The following TMPRSS11E variants were observed in gnomAD, a reference collection of about 807,000 sequenced individuals.
TMPRSS11E encodes transmembrane serine protease 11E, also known as transmembrane protease serine 11E.
A neutral mutation model predicts 48.1 loss-of-function variants in TMPRSS11E; 38 were observed. The ratio of observed to expected loss-of-function variants is 0.79; its 90% CI spans 0.61 to 1.04. TMPRSS11E has a LOEUF of 1.04. TMPRSS11E is among the 50% of genes least tolerant of loss of function. The pLI, the probability that TMPRSS11E is intolerant of heterozygous loss-of-function variation, is 0.00. For missense variants in TMPRSS11E, 530 were observed against 510.8 expected (o/e 1.04, Z -0.36); for synonymous variants, 158 against 171.9 (o/e 0.92, Z 0.63).
chr4:68,472,402 A>G (rs544284904), intron 5 of TMPRSS11E, among the ~76,000 whole-genome samples: 4 of 142,592 alleles, frequency 2.8e-5, no homozygotes, highest in Non-Finnish European at 6.3e-5. Context: ...TTATCATTTA[A>G]ACAAATAGTC....
At chr4:68,451,978 G>A (rs1728510589) in intron 1 of TMPRSS11E, among the ~76,000 whole-genome samples, 1 of 151,884 alleles carries the variant, frequency 6.6e-6, no homozygotes, top group Non-Finnish European at 1.5e-5. Flanking sequence ...GTCTTAAAAG[G>A]TGAAAAATTT....
chr4:68,476,366 A>C lies in TMPRSS11E; in HGVS notation c.635A>C (p.Asp212Ala). 2.5e-6 allele frequency: 4 copies of C among 1,614,106 alleles called. No homozygotes were observed. The highest frequency in any genetic ancestry group is 3.4e-6 in the Non-Finnish European group (4 of 1,179,968). ...EWPWQASLQW[D>A]GSHRCGATLI... ...CCCTGGCAGGCTAGCCTGCAGTGGG[A>C]TGGGAGTCATCGCTGTGGAGCAACC... The change falls in exon 7 of 10, where the codon GAT becomes GCT. Residue 212 changes from aspartate to alanine, a missense_variant. Transcript: ENST00000305363.
At chr4:68,451,147 G>A (rs1200314793) in intron 1 of TMPRSS11E, among the ~76,000 whole-genome samples, 1 of 151,856 alleles carries the variant, frequency 6.6e-6, no homozygotes, top group African/African-American at 2.4e-5. Context: ...CAGGTCTTCT[G>A]GAAGGGTAGG....
chr4:68,474,696 C>T, intron 5 of TMPRSS11E, 27 bp from the exon 6 acceptor site: 1 of 1,603,106 alleles, frequency 6.2e-7, no homozygotes, highest in Non-Finnish European at 8.5e-7. Flanking sequence ...ATGTGCTGAC[C>T]CTATTTGCCA....
chr4:68,478,862 T>C lies in TMPRSS11E; in HGVS notation c.981T>C (p.Asn327=), dbSNP rs1452603433. The change falls in exon 9 of 10, where the codon AAT becomes AAC. Residue 327 remains asparagine (N), a synonymous_variant. Coordinates refer to ENST00000305363, the MANE Select transcript of TMPRSS11E (RefSeq NM_014058.4). ...GALKNDGYSQ[N]HLRQAQVTLI... is the part of the protein sequence containing the mutation. ...TTTTTCTTTTAGGTTACAGTCAAAA[T>C]CATCTTCGACAAGCACAGGTGACTC... The C allele has an allele frequency of 1.2e-6, 2 of 1,613,698 alleles. No homozygotes were observed. The highest frequency in any genetic ancestry group is 1.7e-6 in the Non-Finnish European group (2 of 1,179,878).
intron 1 of TMPRSS11E, among the ~76,000 whole-genome samples, chr4:68,457,598 G>A (rs1197564805): frequency 2.0e-5 from 3 of 152,202 alleles, no homozygotes; most frequent in East Asian, 3.9e-4. Flanking sequence ...ACATGCACAC[G>A]TATGTTTATT....
intron 9 of TMPRSS11E, among the ~76,000 whole-genome samples, chr4:68,485,188 C>G (rs189342335): frequency 7.2e-5 from 11 of 152,052 alleles, no homozygotes; most frequent in Non-Finnish European, 1.5e-4. Flanking sequence ...GCTTTGTCAC[C>G]CAGGCTGGAG....
intron 9 of TMPRSS11E, among the ~76,000 whole-genome samples, chr4:68,491,282 G>T: frequency 9.0e-6 from 1 of 110,550 alleles, no homozygotes; most frequent in African/African-American, 3.5e-5. Flanking sequence ...CTTCTTCCAA[G>T]TCCATGATAT....
chr4:68,452,147 A>G (rs138950495), intron 1 of TMPRSS11E, among the ~76,000 whole-genome samples: 83 of 152,046 alleles, frequency 5.5e-4, no homozygotes, highest in African/African-American at 1.8e-3. Flanking sequence ...GTCAGTCAAG[A>G]CAGAGATGTA....
At chr4:68,463,583 A>G (rs1318911515) in intron 2 of TMPRSS11E, among the ~76,000 whole-genome samples, 1 of 152,154 alleles carries the variant, frequency 6.6e-6, no homozygotes, top group African/African-American at 2.4e-5. Context: ...GATTACAGGC[A>G]TAAGCCACTG....
At chr4:68,470,314 A>T (rs934299820) in intron 4 of TMPRSS11E, among the ~76,000 whole-genome samples, 84 of 151,654 alleles carry the variant, frequency 5.5e-4, no homozygotes, top group African/African-American at 2.0e-3. Flanking sequence ...AAGAGCAGGA[A>T]AATAGAAAAA....
chr4:68,465,799 A>G (rs1728912052), intron 2 of TMPRSS11E, among the ~76,000 whole-genome samples: 1 of 152,182 alleles, frequency 6.6e-6, no homozygotes, highest in Non-Finnish European at 1.5e-5. Context: ...AATGGTTGAC[A>G]CAGTGTCTCT....
Position 68,496,998 on chromosome 4 carries a change from ACT to A in TMPRSS11E, c.*197_*198del, listed in dbSNP as rs999456232. 61 of 545,192 alleles carry A rather than the reference ACT, an allele frequency of 1.1e-4. No homozygotes were observed. The highest frequency in any genetic ancestry group is 1.1e-3 in the African/African-American group (58 of 51,908). 33.8% of individuals were successfully genotyped at this position (545,192 alleles called of 1,614,324 possible). ...TAAGCATCCTGCTTCTGCCAGATCA[ACT>A]CTGTCATCTGTGAGCAATAGTTGAA... On this transcript the variant is annotated 3_prime_UTR_variant, in exon 10 of 10. Transcript: ENST00000305363.
At position 68,447,537 on chromosome 4, in the gene TMPRSS11E, C is replaced by T. The variant is rs750098776; in HGVS notation, c.11+14C>T. On this transcript the variant is annotated intron_variant, in intron 1 of 9. Coordinates refer to ENST00000305363, the MANE Select transcript of TMPRSS11E (RefSeq NM_014058.4). ...AATGATGTATCGGTGAGTTAGTTCC[C>T]TTTTTCTTTCTAGAAGTCTTAAGGT... 2 of 1,606,074 alleles carry T rather than the reference C, an allele frequency of 1.2e-6. No individual in the cohort carries two copies. Among genetic ancestry groups the T allele is most frequent in the East Asian group, 4.5e-5 (2 of 44,334 alleles).
intron 5 of TMPRSS11E, among the ~76,000 whole-genome samples, chr4:68,471,885 A>C (rs1004768842): frequency 4.6e-5 from 7 of 151,810 alleles, no homozygotes; most frequent in Non-Finnish European, 8.8e-5. Context: ...ATAGAATCCA[A>C]TTATAAGTGA....
intron 7 of TMPRSS11E, among the ~76,000 whole-genome samples, chr4:68,476,661 C>T (rs1444335494): frequency 6.6e-6 from 1 of 152,082 alleles, no homozygotes; most frequent in Non-Finnish European, 1.5e-5. Flanking sequence ...TTGATAAACA[C>T]ACAATAGTTT....
At chr4:68,490,777 T>C (rs1729695454) in intron 9 of TMPRSS11E, among the ~76,000 whole-genome samples, 1 of 102,120 alleles carries the variant, frequency 9.8e-6, no homozygotes, top group Non-Finnish European at 2.3e-5. Context: ...TTTTTTTTTT[T>C]GAGGTGGAGT....
At position 68,461,941 on chromosome 4, in the gene TMPRSS11E, A is replaced by G; in HGVS notation, c.132A>G (p.Arg44=). Residue 44 remains arginine (R), a synonymous_variant, in exon 2 of 10, where the codon AGA becomes AGG. Transcript: ENST00000305363. Reference sequence around the variant, plus strand: ...TTGGACTCACTGTTCATTATGTGAGATATAGTAAGTATAAGCTGCCTTGGC... The same window carrying G: ...TTGGACTCACTGTTCATTATGTGAGGTATAGTAAGTATAAGCTGCCTTGGC... ...VCIGLTVHYV[R]YNQKKTYNYY... is the part of the protein sequence containing the mutation. The G allele has an allele frequency of 1.9e-6, 3 of 1,614,126 alleles. No homozygotes were observed. Among genetic ancestry groups the G allele is most frequent in the Middle Eastern group, 1.6e-4 (1 of 6,062 alleles).
chr4:68,449,121 T>C (rs1469039013), intron 1 of TMPRSS11E, among the ~76,000 whole-genome samples: 3 of 151,048 alleles, frequency 2.0e-5, no homozygotes, highest in Non-Finnish European at 4.4e-5. Flanking sequence ...TAAGAATCAG[T>C]TTTTTTTTTT....
Sources: allele counts gnomAD v4.1 joint callset (sites outside exome capture counted in the v4.1 genomes callset), GRCh38; gene constraint gnomAD v4.1.1; transcripts MANE v1.5; gene names NCBI Gene and HGNC (gene_info 2026-07-23, HGNC 2026-07-21).